DAAM1: variants seen among roughly 807,000 people sequenced by gnomAD.
The protein encoded by DAAM1 is dishevelled associated activator of morphogenesis 1.
DAAM1 carries 52 observed loss-of-function variants against 130.0 expected under a neutral mutation model. That is an observed-to-expected ratio of 0.40 (90% CI 0.32 to 0.50). The LOEUF (loss-of-function observed/expected upper bound fraction) is 0.50, where lower values mean the gene tolerates loss of function less well. Among genes scored for constraint, DAAM1 ranks in the 20% least tolerant of loss-of-function variants. The pLI is 0.61. For synonymous variants in DAAM1, 452 were observed against 444.5 expected, an observed-to-expected ratio of 1.02 and a Z score of -0.21; for missense variants, 1,134 against 1,303.8, an observed-to-expected ratio of 0.87 and a Z score of 2.01.
chr14:59,239,603 C>T (rs552123796), intron 1 of DAAM1, among the ~76,000 whole-genome samples: 3 of 152,188 alleles, frequency 2.0e-5, no homozygotes, highest in African/African-American at 2.4e-5. Flanking sequence ...CATTTTCTTA[C>T]GTTGTGTTTT....
In DAAM1 at chr14:59,367,457, A is replaced by C; in HGVS notation, c.2855A>C (p.Glu952Ala). 2 of 1,612,996 alleles carry C rather than the reference A, an allele frequency of 1.2e-6. No individual in the cohort carries two copies. Among genetic ancestry groups the C allele is most frequent in the Non-Finnish European group, 8.5e-7 (1 of 1,179,234 alleles). ...LFTKAVKHFG[E>A]EAGKIQPDEF... ...ACTAAAGCAGTGAAGCACTTTGGGG[A>C]AGAGGCTGGCAAAATACAACCAGAT... The change falls in exon 24 of 25, where the codon GAA (glutamate) becomes GCA (alanine). Residue 952 changes from glutamate to alanine, a missense_variant. Around this residue, in one of 3 missense-constraint regions of DAAM1, gnomAD observed 644 missense variants for 695.9 expected, o/e 0.93. Transcript: ENST00000360909.
chr14:59,298,947 C>T (rs1176040890), intron 3 of DAAM1, among the ~76,000 whole-genome samples: 3 of 152,196 alleles, frequency 2.0e-5, no homozygotes, highest in African/African-American at 7.2e-5. Flanking sequence ...CTTAACGAGG[C>T]AGCAGTAAGT....
chr14:59,354,692 C>T (rs765794160), intron 19 of DAAM1, among the ~76,000 whole-genome samples: 5 of 152,166 alleles, frequency 3.3e-5, no homozygotes, highest in Non-Finnish European at 7.3e-5. Flanking sequence ...AGCCACGGAA[C>T]GCAGGCTGGA....
At chr14:59,261,954 A>G (rs1260393093) in intron 1 of DAAM1, among the ~76,000 whole-genome samples, 1 of 152,176 alleles carries the variant, frequency 6.6e-6, no homozygotes, top group Non-Finnish European at 1.5e-5. Flanking sequence ...AAGTATATAA[A>G]TAATGCATTC....
chr14:59,294,118 A>G (rs1279909296), intron 3 of DAAM1, among the ~76,000 whole-genome samples: 1 of 152,194 alleles, frequency 6.6e-6, no homozygotes, highest in African/African-American at 2.4e-5. Flanking sequence ...TCATAGAGTA[A>G]GGGGCCACTG....
At chr14:59,204,017 C>T (rs1177948329) in intron 1 of DAAM1, among the ~76,000 whole-genome samples, 1 of 152,202 alleles carries the variant, frequency 6.6e-6, no homozygotes, top group Non-Finnish European at 1.5e-5. Flanking sequence ...TTTAGGTACT[C>T]ACTTGGTGTT....
intron 1 of DAAM1, among the ~76,000 whole-genome samples, chr14:59,249,481 A>G (rs767969666): frequency 3.9e-5 from 6 of 152,188 alleles, no homozygotes; most frequent in Admixed American, 1.3e-4. Flanking sequence ...GCTGTCTGTA[A>G]TGAATATTAA....
chr14:59,255,758 A>G (rs1333910002), intron 1 of DAAM1, among the ~76,000 whole-genome samples: 1 of 152,226 alleles, frequency 6.6e-6, no homozygotes, highest in Admixed American at 6.5e-5. Context: ...GAAATTCCAG[A>G]GACCATTTAT....
chr14:59,234,046 GT>G (rs777694301), intron 1 of DAAM1, among the ~76,000 whole-genome samples: 9 of 152,190 alleles, frequency 5.9e-5, no homozygotes, highest in Non-Finnish European at 1.0e-4. Flanking sequence ...TTGAAATATA[GT>G]TTGAGGTCAG....
At chr14:59,279,756 TAAA>T (rs1258105431) in intron 2 of DAAM1, among the ~76,000 whole-genome samples, 1 of 152,126 alleles carries the variant, frequency 6.6e-6, no homozygotes, top group Admixed American at 6.6e-5. Flanking sequence ...ATTAAAATTT[TAAA>T]AAACACGTGG....
At chr14:59,198,310 A>G (rs1489576880) in intron 1 of DAAM1, among the ~76,000 whole-genome samples, 1 of 151,506 alleles carries the variant, frequency 6.6e-6, no homozygotes, top group Non-Finnish European at 1.5e-5. Flanking sequence ...TGTTCAAACA[A>G]TTCTCCTGCC....
At chr14:59,323,282 G>T in intron 6 of DAAM1, 57 bp downstream of exon 6, 1 of 1,472,580 alleles carries the variant, frequency 6.8e-7, no homozygotes, top group African/African-American at 1.4e-5. Flanking sequence ...GCTCAAACAC[G>T]TGCTTTTCCT....
intron 15 of DAAM1, among the ~76,000 whole-genome samples, chr14:59,339,220 C>G (rs1455943737): frequency 1.3e-5 from 2 of 152,162 alleles, no homozygotes; most frequent in Non-Finnish European, 1.5e-5. Context: ...AATGTAGATA[C>G]AACTTTGCAA....
chr14:59,345,732 C>T (rs1234728297), intron 16 of DAAM1, among the ~76,000 whole-genome samples: 2 of 152,154 alleles, frequency 1.3e-5, no homozygotes, highest in East Asian at 1.9e-4. Flanking sequence ...GTGTGCTTTA[C>T]ACACCTTTGT....
intron 4 of DAAM1, among the ~76,000 whole-genome samples, chr14:59,318,003 T>A (rs1442865666): frequency 3.3e-5 from 5 of 152,182 alleles, no homozygotes. Flanking sequence ...CACTTACTAG[T>A]CTGTGAAGCC....
chr14:59,197,210 G>A (rs982061234), intron 1 of DAAM1, among the ~76,000 whole-genome samples: 1 of 152,190 alleles, frequency 6.6e-6, no homozygotes, highest in Admixed American at 6.5e-5. Context: ...GTGAGCCACC[G>A]CGGGAATTAT....
chr14:59,226,748 G>C (rs1335119799), intron 1 of DAAM1, among the ~76,000 whole-genome samples: 3 of 152,198 alleles, frequency 2.0e-5, no homozygotes, highest in Non-Finnish European at 4.4e-5. Context: ...AGTTTAGAAA[G>C]ATGGAAAAGG....
At chr14:59,198,151 G>T (rs1481102035) in intron 1 of DAAM1, among the ~76,000 whole-genome samples, 1 of 151,574 alleles carries the variant, frequency 6.6e-6, no homozygotes, top group Non-Finnish European at 1.5e-5. Context: ...TCACATTGGG[G>T]CTTCCTTCTT....
intron 1 of DAAM1, among the ~76,000 whole-genome samples, chr14:59,217,467 A>AT (rs1218802976): frequency 2.0e-5 from 3 of 152,084 alleles, no homozygotes; most frequent in Non-Finnish European, 4.4e-5. Flanking sequence ...TTGACATTTG[A>AT]TTTTTTAAGA....
Sources: allele counts gnomAD v4.1 joint callset (sites outside exome capture counted in the v4.1 genomes callset), GRCh38; gene constraint gnomAD v4.1.1; regional missense constraint gnomAD v4.1.1; transcripts MANE v1.5; gene names NCBI Gene and HGNC (gene_info 2026-07-23, HGNC 2026-07-21).